Variants in SOD2 observed in about 807,000 individuals in gnomAD.
SOD2 encodes superoxide dismutase 2.
Under a neutral mutation model 27.0 loss-of-function variants are expected in SOD2, and 11 were observed. That is an observed-to-expected ratio of 0.41 (90% CI 0.26 to 0.67). SOD2 has a LOEUF of 0.67. SOD2 is among the 30% of genes least tolerant of loss of function. SOD2 has a pLI of 0.34. For missense variants in SOD2, 250 were observed against 274.5 expected (o/e 0.91, Z 0.63); for synonymous variants, 105 against 103.0 (o/e 1.02, Z -0.12).
exon 1 of SOD2, chr6:159,727,187 G>A: frequency 1.6e-6 from 2 of 1,225,156 alleles, no homozygotes; most frequent in South Asian, 1.4e-5. Context: ...GAAAGGACGG[G>A]GAGTGTTACC....
intron 1 of SOD2, among the ~76,000 whole-genome samples, chr6:159,724,347 T>C (rs1429607379): frequency 6.6e-6 from 1 of 152,194 alleles, no homozygotes; most frequent in Non-Finnish European, 1.5e-5. Flanking sequence ...TGCACATCTT[T>C]GTATATAGTA....
At chr6:159,725,003 C>T (rs1216269484) in intron 1 of SOD2, among the ~76,000 whole-genome samples, 1 of 151,854 alleles carries the variant, frequency 6.6e-6, no homozygotes, top group Admixed American at 6.6e-5. Flanking sequence ...GAAAACAAAA[C>T]AGAAGTACAG....
chr6:159,740,975 T>C (rs970838025), intron 1 of SOD2, among the ~76,000 whole-genome samples: 14 of 152,210 alleles, frequency 9.2e-5, no homozygotes, highest in African/African-American at 3.4e-4. Context: ...GTGCTGGGAT[T>C]ACAGGCACGA....
intron 1 of SOD2, among the ~76,000 whole-genome samples, chr6:159,708,659 G>A (rs2114817024): frequency 6.6e-6 from 1 of 152,234 alleles, no homozygotes; most frequent in East Asian, 1.9e-4. Context: ...GGTCATGGAT[G>A]GGAAGAATCA....
At chr6:159,704,823 C>T (rs992131357) in intron 1 of SOD2, among the ~76,000 whole-genome samples, 10 of 152,334 alleles carry the variant, frequency 6.6e-5, no homozygotes, top group East Asian at 1.9e-4. Context: ...AGACAGACCA[C>T]GTCCTCGAGT....
upstream of SOD2, among the ~76,000 whole-genome samples, chr6:159,746,830 A>T (rs1037369210): frequency 6.6e-6 from 1 of 152,182 alleles, no homozygotes; most frequent in Non-Finnish European, 1.5e-5. Flanking sequence ...CATGGAATTT[A>T]TTCTAGTCTG....
rs552096712 is a variant in SOD2, at chr6:159,670,084, T to C, written c.*12409A>G. 1 of 152,250 alleles carries C rather than the reference T, an allele frequency of 6.6e-6. No individual in the cohort carries two copies. Among genetic ancestry groups the C allele is most frequent in the South Asian group, 2.1e-4 (1 of 4,820 alleles). The allele number at this position is 152,250 out of a possible 1,614,324, so 9.4% of individuals were successfully genotyped here. On this transcript the variant is annotated 3_prime_UTR_variant, in exon 5 of 5. Transcript: ENST00000538183. Reference sequence around the variant, plus strand: ...GACTCACACTGTAATCACAGCTCACTGTAGACTCCAACTCATGACCTCAAG... The same window carrying C: ...GACTCACACTGTAATCACAGCTCACCGTAGACTCCAACTCATGACCTCAAG...
At chr6:159,733,166 T>A (rs1295347053) in intron 1 of SOD2, among the ~76,000 whole-genome samples, 1 of 117,856 alleles carries the variant, frequency 8.5e-6, no homozygotes, top group African/African-American at 2.6e-5. Flanking sequence ...GAGGAACCAA[T>A]TTAAAGAAAA....
Position 159,670,587 on chromosome 6 carries a change from C to G in SOD2, c.*11906G>C, listed in dbSNP as rs1459156007. Reference sequence around the variant, plus strand: ...AATCATAGTCAATACACAGAGAAAACCAAAAAATGCCAGACTTGGGTTGGG... The same window carrying G: ...AATCATAGTCAATACACAGAGAAAAGCAAAAAATGCCAGACTTGGGTTGGG... On this transcript the variant is annotated 3_prime_UTR_variant, in exon 5 of 5. Coordinates refer to ENST00000538183, the MANE Select transcript of SOD2 (RefSeq NM_000636.4). 3 of 152,394 alleles carry G rather than the reference C, an allele frequency of 2.0e-5. No individual in the cohort carries two copies. The East Asian group carries it at 5.8e-4, about 29-fold the overall frequency. 9.4% of individuals were successfully genotyped at this position (152,394 alleles called of 1,614,324 possible).
intron 1 of SOD2, among the ~76,000 whole-genome samples, chr6:159,705,789 A>G (rs1271211560): frequency 2.6e-5 from 4 of 152,244 alleles, no homozygotes; most frequent in Non-Finnish European, 4.4e-5. Context: ...ACTCCTCAAG[A>G]AGAGCAACTC....
chr6:159,684,238 G>T (rs1407478621), intron 4 of SOD2, among the ~76,000 whole-genome samples: 1 of 151,926 alleles, frequency 6.6e-6, no homozygotes, highest in Non-Finnish European at 1.5e-5. Flanking sequence ...CCTCACTCTT[G>T]TTCTATAGCT....
At chr6:159,740,988 C>T (rs1472263320) in intron 1 of SOD2, among the ~76,000 whole-genome samples, 1 of 152,064 alleles carries the variant, frequency 6.6e-6, no homozygotes, top group Admixed American at 6.6e-5. Flanking sequence ...AGGCACGAGC[C>T]TTTTTGTTCA....
upstream of SOD2, among the ~76,000 whole-genome samples, chr6:159,697,121 A>G (rs913596141): frequency 2.0e-5 from 3 of 151,652 alleles, no homozygotes; most frequent in Non-Finnish European, 2.9e-5. Context: ...AAAACTTGCA[A>G]TTCTGTACCT....
At chr6:159,707,383 A>C (rs1777647467) in intron 1 of SOD2, among the ~76,000 whole-genome samples, 1 of 152,184 alleles carries the variant, frequency 6.6e-6, no homozygotes, top group South Asian at 2.1e-4. Flanking sequence ...GACTACTAAA[A>C]AAGAAAAGAG....
chr6:159,693,780 G>C (rs1777358256), upstream of SOD2, among the ~76,000 whole-genome samples: 3 of 152,236 alleles, frequency 2.0e-5, no homozygotes, highest in Admixed American at 2.0e-4. Flanking sequence ...CGGCCTATGA[G>C]CTGAGGGTAG....
upstream of SOD2, among the ~76,000 whole-genome samples, chr6:159,730,604 A>G (rs1010991909): frequency 6.6e-6 from 1 of 152,244 alleles, no homozygotes; most frequent in African/African-American, 2.4e-5. Flanking sequence ...CAGATGGCGC[A>G]TTTAACTTTG....
chr6:159,730,814 A>G (rs1778520348), upstream of SOD2: 2 of 152,226 alleles, frequency 1.3e-5, no homozygotes, highest in African/African-American at 4.8e-5. Flanking sequence ...CCTGACTTAC[A>G]TTACAAATAC....
upstream of SOD2, chr6:159,749,097 G>A (rs1779727971): frequency 1.0e-6 from 1 of 986,750 alleles, no homozygotes. Flanking sequence ...TTTATTCAAT[G>A]GTTTGTTCTT....
chr6:159,714,512 TCCA>T (rs2114830094), intron 1 of SOD2, among the ~76,000 whole-genome samples: 1 of 152,284 alleles, frequency 6.6e-6, no homozygotes, highest in African/African-American at 2.4e-5. Flanking sequence ...TGATTTGACT[TCCA>T]CCAGCAGGCT....
Sources: allele counts gnomAD v4.1 joint callset (sites outside exome capture counted in the v4.1 genomes callset), GRCh38; gene constraint gnomAD v4.1.1; transcripts MANE v1.5; gene names NCBI Gene and HGNC (gene_info 2026-07-23, HGNC 2026-07-21).